Variants in TAS2R1 observed in about 807,000 individuals in gnomAD.
TAS2R1 encodes taste 2 receptor member 1.
For missense variants in TAS2R1, 370 were observed against 353.4 expected (o/e 1.05, Z -0.38); for synonymous variants, 141 against 134.2 (o/e 1.05, Z -0.35).
At chr5:9,836,131 C>T in the TAS2R1 span, among the ~76,000 whole-genome samples, 3 of 151,912 alleles carry the variant, frequency 2.0e-5, no homozygotes, top group African/African-American at 7.3e-5. Context: ...TTTCCCTGAA[C>T]GAGTTCTCTT....
At chr5:9,733,265 C>T in the TAS2R1 span, among the ~76,000 whole-genome samples, 11 of 152,334 alleles carry the variant, frequency 7.2e-5, no homozygotes, top group African/African-American at 1.9e-4. Flanking sequence ...TTTATTGGAA[C>T]ACAGCCATGC....
chr5:9,725,296 G>T, the TAS2R1 span, among the ~76,000 whole-genome samples: 1 of 152,242 alleles, frequency 6.6e-6, no homozygotes, highest in Admixed American at 6.5e-5. Context: ...TCAGCTTGCA[G>T]GGAGGTGTGG....
At chr5:9,633,294 T>TTTTA (rs1554051825), upstream of TAS2R1, among the ~76,000 whole-genome samples, 1 of 67,800 alleles carries the variant, frequency 1.5e-5, no homozygotes, top group African/African-American at 7.1e-5. Context: ...TGTGTGTATA[T>TTTTA]TATATATATA....
the TAS2R1 span, among the ~76,000 whole-genome samples, chr5:9,777,030 A>G: frequency 6.6e-6 from 1 of 152,262 alleles, no homozygotes; most frequent in Non-Finnish European, 1.5e-5. Context: ...CTGAGCCTTC[A>G]GCAAGTTGTA....
chr5:9,780,590 C>A, the TAS2R1 span, among the ~76,000 whole-genome samples: 1 of 152,204 alleles, frequency 6.6e-6, no homozygotes, highest in Non-Finnish European at 1.5e-5. Flanking sequence ...AATGATTATA[C>A]TCTTTTGGTA....
chr5:9,842,808 C>T, the TAS2R1 span, among the ~76,000 whole-genome samples: 1 of 151,940 alleles, frequency 6.6e-6, no homozygotes, highest in African/African-American at 2.4e-5. Flanking sequence ...TAAGTCTTGA[C>T]CTCTAATTAT....
chr5:9,876,498 T>C, the TAS2R1 span, among the ~76,000 whole-genome samples: 3 of 152,218 alleles, frequency 2.0e-5, no homozygotes, highest in African/African-American at 7.2e-5. Flanking sequence ...AGAAGCCACA[T>C]GAAACATTTT....
chr5:9,664,504 G>A (rs925599758), intron 1 of TAS2R1, among the ~76,000 whole-genome samples: 13 of 152,140 alleles, frequency 8.5e-5, no homozygotes, highest in Non-Finnish European at 1.5e-4. Flanking sequence ...ATTCCATAAC[G>A]ATTTCCATTT....
intron 1 of TAS2R1, among the ~76,000 whole-genome samples, chr5:9,677,439 A>G (rs1295051033): frequency 9.0e-6 from 1 of 111,324 alleles, no homozygotes; most frequent in Non-Finnish European, 2.0e-5. Flanking sequence ...ACCAAAAGAC[A>G]AGACAGAATT....
chr5:9,848,881 C>CT, the TAS2R1 span, among the ~76,000 whole-genome samples: 1 of 152,264 alleles, frequency 6.6e-6, no homozygotes, highest in Admixed American at 6.5e-5. Context: ...CCTGCTTAAC[C>CT]GTTTTTTAAG....
intron 1 of TAS2R1, among the ~76,000 whole-genome samples, chr5:9,663,581 G>A (rs981904849): frequency 1.3e-5 from 2 of 152,070 alleles, no homozygotes; most frequent in African/African-American, 4.8e-5. Context: ...TGCTACCCAC[G>A]TTAATTAGCT....
upstream of TAS2R1, chr5:9,714,089 C>T (rs1339633143): frequency 6.6e-6 from 1 of 152,176 alleles, no homozygotes; most frequent in Non-Finnish European, 1.5e-5. Context: ...CCAAATGCCT[C>T]CTACAGTATC....
chr5:9,757,621 G>T, the TAS2R1 span, among the ~76,000 whole-genome samples: 1 of 152,042 alleles, frequency 6.6e-6, no homozygotes, highest in Non-Finnish European at 1.5e-5. Context: ...TAGACATCAA[G>T]ATTTCAGTAT....
the TAS2R1 span, among the ~76,000 whole-genome samples, chr5:9,720,671 C>A: frequency 6.6e-6 from 1 of 152,202 alleles, no homozygotes; most frequent in African/African-American, 2.4e-5. Context: ...ACTGTTTCAA[C>A]CTTCCCTGGC....
At chr5:9,808,849 T>A in the TAS2R1 span, among the ~76,000 whole-genome samples, 2 of 152,170 alleles carry the variant, frequency 1.3e-5, no homozygotes, top group South Asian at 4.1e-4. Context: ...GGTCAGAATG[T>A]TCCCAACTAT....
chr5:9,761,695 C>G, the TAS2R1 span, among the ~76,000 whole-genome samples: 1 of 152,198 alleles, frequency 6.6e-6, no homozygotes, highest in Non-Finnish European at 1.5e-5. Flanking sequence ...TCCTCTGCGT[C>G]TGCTCTCTGC....
chr5:9,832,133 T>C, the TAS2R1 span, among the ~76,000 whole-genome samples: 2 of 152,224 alleles, frequency 1.3e-5, no homozygotes, highest in East Asian at 3.8e-4. Flanking sequence ...CCATGCTGGG[T>C]CTTATAGTTC....
At chr5:9,847,032 C>A in the TAS2R1 span, among the ~76,000 whole-genome samples, 1 of 152,120 alleles carries the variant, frequency 6.6e-6, no homozygotes, top group Non-Finnish European at 1.5e-5. Context: ...AAATGATTCC[C>A]AAAGCTACAG....
upstream of TAS2R1, among the ~76,000 whole-genome samples, chr5:9,633,521 C>T (rs189830442): frequency 3.0e-4 from 45 of 151,638 alleles, no homozygotes; most frequent in Admixed American, 2.7e-3. Flanking sequence ...AAATAAACTC[C>T]ATATTGTTTT....
Sources: gnomAD v4.1 joint callset for allele counts (sites outside exome capture counted in the v4.1 genomes callset) on GRCh38, gnomAD v4.1.1 for gene constraint, MANE v1.5 for transcripts, NCBI Gene and HGNC (gene_info 2026-07-23, HGNC 2026-07-21) for gene names.